The following CORO2B variants were observed in gnomAD, a reference collection of about 807,000 sequenced individuals.
The protein encoded by CORO2B is coronin 2B, also known as coronin-2B.
Under a neutral mutation model 58.8 loss-of-function variants are expected in CORO2B, and 26 were observed. The ratio of observed to expected loss-of-function variants is 0.44; its 90% CI spans 0.32 to 0.61. The LOEUF is 0.61. Ranked by LOEUF, CORO2B falls within the 20% of genes least tolerant of loss-of-function variation. The probability of loss-of-function intolerance (pLI) is 0.04; values close to 1 mark genes in which losing one functional copy is unlikely to be tolerated. For missense variants in CORO2B, 460 were observed against 645.1 expected, an observed-to-expected ratio of 0.71 and a Z score of 3.11; for synonymous variants, 242 against 253.8, an observed-to-expected ratio of 0.95 and a Z score of 0.44.
intron 1 of CORO2B, among the ~76,000 whole-genome samples, chr15:68,592,350 T>G (rs142466441): frequency 6.6e-6 from 1 of 152,298 alleles, no homozygotes; most frequent in East Asian, 1.9e-4. Context: ...CCACCTGTGC[T>G]TGTTCTGTCT....
chr15:68,719,462 G>A lies in CORO2B; in HGVS notation c.1221G>A (p.Met407Ile), dbSNP rs1304329881. Residue 407 changes from methionine to isoleucine, a missense_variant, in exon 11 of 12, where the codon ATG (methionine) becomes ATA (isoleucine). By Grantham distance (10) the Met-to-Ile change is conservative. Transcript: ENST00000261861. ...AAGGCTATAAGAAGTCCTCAAAAATGGTATTTAAGGCTCCCATCAAAGAAA... is the reference window on the plus strand; with the variant it reads ...AAGGCTATAAGAAGTCCTCAAAAATAGTATTTAAGGCTCCCATCAAAGAAA... ...LKEGYKKSSK[M>I]VFKAPIKEKK... 6.2e-7 allele frequency: 1 copy of A among 1,614,092 alleles called. No individual in the cohort carries two copies. The highest frequency in any genetic ancestry group is 1.1e-5 in the South Asian group (1 of 91,082).
chr15:68,718,290 C>A (rs9646210), intron 8 of CORO2B, among the ~76,000 whole-genome samples: 125,985 of 152,120 alleles, frequency 0.83, 55,345 homozygotes, highest in Non-Finnish European at 0.96. Flanking sequence ...ACACAGGAGG[C>A]TTAGGGATGA....
At chr15:68,698,710 G>T (rs1567012929) in intron 3 of CORO2B, among the ~76,000 whole-genome samples, 1 of 152,120 alleles carries the variant, frequency 6.6e-6, no homozygotes, top group Non-Finnish European at 1.5e-5. Flanking sequence ...TCTGAGCCTC[G>T]GTTTTGCTCG....
intron 1 of CORO2B, among the ~76,000 whole-genome samples, chr15:68,612,215 C>T (rs1433058681): frequency 6.6e-6 from 1 of 152,192 alleles, no homozygotes; most frequent in East Asian, 1.9e-4. Context: ...TGCATGTACA[C>T]ATTGAAAGGG....
intron 3 of CORO2B, among the ~76,000 whole-genome samples, chr15:68,702,695 T>G (rs1892680688): frequency 6.6e-6 from 1 of 152,134 alleles, no homozygotes; most frequent in Non-Finnish European, 1.5e-5. Context: ...TACTGTGCTC[T>G]TGGACCCAGG....
intron 1 of CORO2B, among the ~76,000 whole-genome samples, chr15:68,635,517 C>T (rs1901005876): frequency 1.3e-5 from 2 of 152,160 alleles, no homozygotes; most frequent in Admixed American, 6.5e-5. Flanking sequence ...GATTCTACCA[C>T]CCCCAGGGCA....
chr15:68,553,950 T>C, the CORO2B span, among the ~76,000 whole-genome samples: 11 of 152,150 alleles, frequency 7.2e-5, no homozygotes, highest in African/African-American at 2.7e-4. Context: ...CTAACTGCAA[T>C]CTTAGAAAGG....
chr15:68,698,583 G>A (rs913540114), intron 3 of CORO2B, among the ~76,000 whole-genome samples: 5 of 152,200 alleles, frequency 3.3e-5, no homozygotes, highest in Non-Finnish European at 5.9e-5. Context: ...GACAGACCAC[G>A]GTATGCCTTG....
At chr15:68,627,675 G>A (rs1461367142) in intron 1 of CORO2B, among the ~76,000 whole-genome samples, 1 of 152,122 alleles carries the variant, frequency 6.6e-6, no homozygotes, top group Non-Finnish European at 1.5e-5. Context: ...GGAGATGTAA[G>A]CAGGAAATGG....
intron 1 of CORO2B, among the ~76,000 whole-genome samples, chr15:68,626,292 T>C (rs1900680767): frequency 6.6e-6 from 1 of 152,158 alleles, no homozygotes; most frequent in Admixed American, 6.5e-5. Context: ...AGTGGGAATG[T>C]GGGTGCATAG....
chr15:68,533,284 G>A, the CORO2B span, among the ~76,000 whole-genome samples: 4 of 152,044 alleles, frequency 2.6e-5, no homozygotes, highest in Non-Finnish European at 5.9e-5. Flanking sequence ...TTACTATGAT[G>A]GAAAGGTAAG....
At chr15:68,723,130 T>A (rs1270416053) in intron 11 of CORO2B, among the ~76,000 whole-genome samples, 3 of 149,134 alleles carry the variant, frequency 2.0e-5, no homozygotes, top group African/African-American at 7.4e-5. Flanking sequence ...TTTTTTTTTT[T>A]TTTTTTTTTT....
At chr15:68,520,349 A>C in the CORO2B span, among the ~76,000 whole-genome samples, 1 of 152,176 alleles carries the variant, frequency 6.6e-6, no homozygotes, top group Non-Finnish European at 1.5e-5. Context: ...TTGTTCCATC[A>C]GTTACTGAAA....
chr15:68,703,160 T>C (rs1339818643), intron 3 of CORO2B, among the ~76,000 whole-genome samples: 2 of 143,336 alleles, frequency 1.4e-5, no homozygotes, highest in Non-Finnish European at 3.0e-5. Context: ...CTTTTTTTTT[T>C]TTTTTTTTTG....
intron 1 of CORO2B, among the ~76,000 whole-genome samples, chr15:68,595,206 G>GTAC (rs1490062019): frequency 1.3e-5 from 2 of 152,230 alleles, no homozygotes; most frequent in African/African-American, 4.8e-5. Context: ...GCCAGAGAGA[G>GTAC]TACTCTCTTG....
intron 11 of CORO2B, among the ~76,000 whole-genome samples, chr15:68,723,779 T>C (rs1893225346): frequency 6.6e-6 from 1 of 152,148 alleles, no homozygotes; most frequent in Admixed American, 6.5e-5. Flanking sequence ...TTTATTTTTG[T>C]TTTAAACATA....
chr15:68,714,525 T>C, intron 6 of CORO2B, 34 bp from the exon 7 acceptor site: 1 of 1,559,900 alleles, frequency 6.4e-7, no homozygotes, highest in Non-Finnish European at 8.8e-7. Context: ...CCATCCTGCC[T>C]GCAGAGAGGC....
intron 2 of CORO2B, among the ~76,000 whole-genome samples, chr15:68,660,794 G>A (rs561244741): frequency 2.4e-4 from 37 of 152,256 alleles, no homozygotes; most frequent in African/African-American, 6.3e-4. Context: ...TCTGGACACC[G>A]TTTTCTCCAG....
intron 3 of CORO2B, among the ~76,000 whole-genome samples, chr15:68,705,829 C>G (rs1892771274): frequency 6.6e-6 from 1 of 152,264 alleles, no homozygotes; most frequent in East Asian, 1.9e-4. Context: ...TTTACTTGAA[C>G]CCACACACCT....
Sources: allele counts gnomAD v4.1 joint callset (sites outside exome capture counted in the v4.1 genomes callset), GRCh38; gene constraint gnomAD v4.1.1; transcripts MANE v1.5; gene names NCBI Gene and HGNC (gene_info 2026-07-23, HGNC 2026-07-21).